The following CUX1 variants were observed in gnomAD, a reference collection of about 807,000 sequenced individuals.
CUX1 encodes cut like homeobox 1.
Under a neutral mutation model 158.8 loss-of-function variants are expected in CUX1, and 31 were observed. That is an observed-to-expected ratio of 0.20 (90% CI 0.15 to 0.26). The LOEUF is 0.26. CUX1 is among the 10% of genes least tolerant of loss of function. CUX1 has a pLI of 1.00. For synonymous variants in CUX1, 879 were observed against 862.1 expected, an observed-to-expected ratio of 1.02 and a Z score of -0.34; for missense variants, 1,589 against 2,014.6, an observed-to-expected ratio of 0.79 and a Z score of 4.04.
At chr7:101,866,806 T>TA (rs1171914358) in intron 1 of CUX1, among the ~76,000 whole-genome samples, 1 of 152,184 alleles carries the variant, frequency 6.6e-6, no homozygotes, top group Non-Finnish European at 1.5e-5. Flanking sequence ...GAGTTAAAGG[T>TA]GGTTCTACTT....
rs146483295 is a variant in CUX1 at position 102,165,228 on chromosome 7, G to C, written c.724-5218G>C. 1.4e-3 allele frequency among the ~76,000 whole-genome samples: 212 copies of C among 152,044 alleles called. 1 individual carries two copies. The highest frequency in any genetic ancestry group is 5.0e-3 in the African/African-American group (208 of 41,486). On this transcript the variant is annotated intron_variant, in intron 9 of 23. Coordinates refer to ENST00000292535, the MANE Select transcript of CUX1 (RefSeq NM_181552.4). ...ATCCTCTGCAAGCCCACCCCTCTCTGTGTCCTTCCCATGATGCCTTACCAC... is the reference window on the plus strand; with the variant it reads ...ATCCTCTGCAAGCCCACCCCTCTCTCTGTCCTTCCCATGATGCCTTACCAC...
At chr7:102,145,911 C>A (rs1834977982) in intron 8 of CUX1, among the ~76,000 whole-genome samples, 1 of 152,172 alleles carries the variant, frequency 6.6e-6, no homozygotes, top group Non-Finnish European at 1.5e-5. Flanking sequence ...CGTGCCATTG[C>A]ACTCCAGCCT....
chr7:102,137,446 G>A lies in CUX1; in HGVS notation c.675-21114G>A, dbSNP rs563975611. The stretch of plus-strand genomic sequence containing the variant: ...AGGTCACAAGTTCAAGACCACACTG[G>A]CCAACATGGCTAAACCCTGCCTCTA... On this transcript the variant is annotated intron_variant, in intron 8 of 23. Coordinates refer to ENST00000292535, the MANE Select transcript of CUX1 (RefSeq NM_181552.4). Among the ~76,000 whole-genome samples, 5 of 152,248 alleles carry A rather than the reference G, an allele frequency of 3.3e-5. No individual in the cohort carries two copies. The South Asian group carries it at 6.2e-4, about 19-fold the overall frequency.
chr7:102,023,393 A>G (rs762519332), intron 2 of CUX1, among the ~76,000 whole-genome samples: 30 of 152,220 alleles, frequency 2.0e-4, no homozygotes, highest in Non-Finnish European at 2.1e-4. Context: ...TCCAGACAGC[A>G]AAGAGTGCTG....
chr7:102,212,752 C>T (rs1358362122), intron 20 of CUX1, among the ~76,000 whole-genome samples: 3 of 137,490 alleles, frequency 2.2e-5, no homozygotes, highest in African/African-American at 5.4e-5. Context: ...AGATGGGGGG[C>T]GTGCAGGCCT....
chr7:102,028,186 G>T, intron 3 of CUX1, 41 bp downstream of exon 3: 2 of 1,600,220 alleles, frequency 1.2e-6, no homozygotes, highest in Non-Finnish European at 1.7e-6. Context: ...GCCACCCTTC[G>T]TGGCTAATTG....
At chr7:101,887,301 C>CT (rs201129301) in intron 1 of CUX1, among the ~76,000 whole-genome samples, 3 of 151,372 alleles carry the variant, frequency 2.0e-5, no homozygotes, top group South Asian at 2.1e-4. Flanking sequence ...TCTTTTGAAA[C>CT]TTTTTTTTTC....
chr7:102,235,701 CAAA>C (rs781946936), intron 22 of CUX1, among the ~76,000 whole-genome samples: 4 of 88,652 alleles, frequency 4.5e-5, no homozygotes, highest in Non-Finnish European at 4.6e-5. Flanking sequence ...GACCCCATCT[CAAA>C]AAAAAAAAAA....
intron 3 of CUX1, among the ~76,000 whole-genome samples, chr7:102,055,210 A>ATTT (rs142598480): frequency 2.4e-4 from 36 of 147,400 alleles, no homozygotes; most frequent in African/African-American, 7.4e-4. Context: ...TTATAAATGG[A>ATTT]TTTTTTTTTT....
At chr7:102,063,934 AG>A (rs746657166) in intron 3 of CUX1, among the ~76,000 whole-genome samples, 147 of 152,274 alleles carry the variant, frequency 9.7e-4, no homozygotes, top group Non-Finnish European at 1.2e-3. Context: ...GGACAGCCCC[AG>A]GTGGTGGTGG....
At chr7:101,911,948 T>G (rs1584956165) in intron 1 of CUX1, among the ~76,000 whole-genome samples, 1 of 152,288 alleles carries the variant, frequency 6.6e-6, no homozygotes, top group East Asian at 1.9e-4. Flanking sequence ...TTCTGGTGCC[T>G]CTCCTTGCCA....
At chr7:101,931,052 C>G (rs1037366431) in intron 2 of CUX1, among the ~76,000 whole-genome samples, 1 of 152,132 alleles carries the variant, frequency 6.6e-6, no homozygotes, top group Non-Finnish European at 1.5e-5. Context: ...GCCGAGATCA[C>G]GCCACTGCAC....
At chr7:102,170,397 T>G (rs1791576255) in intron 9 of CUX1, 49 bp from the exon 10 acceptor site, 1 of 1,299,228 alleles carries the variant, frequency 7.7e-7, no homozygotes, top group Non-Finnish European at 1.1e-6. Flanking sequence ...TAATTGTCAG[T>G]TGTTAAACTG....
chr7:101,857,715 T>C (rs545170659), intron 1 of CUX1, among the ~76,000 whole-genome samples: 1 of 152,376 alleles, frequency 6.6e-6, no homozygotes, highest in East Asian at 1.9e-4. Flanking sequence ...TTAGCTGTGC[T>C]ATAGCTTTGC....
chr7:102,151,815 A>G (rs898384123), intron 8 of CUX1, among the ~76,000 whole-genome samples: 3 of 149,900 alleles, frequency 2.0e-5, no homozygotes, highest in African/African-American at 7.4e-5. Flanking sequence ...GTCTGCAAAC[A>G]CTGATGGCCA....
chr7:101,819,403 C>G (rs1201297432), intron 1 of CUX1, among the ~76,000 whole-genome samples: 1 of 152,186 alleles, frequency 6.6e-6, no homozygotes, highest in Non-Finnish European at 1.5e-5. Context: ...GACATTATTC[C>G]CACATGGTGA....
chr7:102,196,413 C>T (rs1794803173), intron 14 of CUX1, among the ~76,000 whole-genome samples: 2 of 152,180 alleles, frequency 1.3e-5, no homozygotes, highest in South Asian at 4.1e-4. Context: ...ACAAGAAAGG[C>T]GCAAACATGA....
chr7:101,949,111 T>C (rs971048814), intron 2 of CUX1, among the ~76,000 whole-genome samples: 2 of 152,180 alleles, frequency 1.3e-5, no homozygotes, highest in African/African-American at 2.4e-5. Flanking sequence ...CACAGATTGT[T>C]TGACAAACAT....
At chr7:101,895,177 C>T (rs574812943) in intron 1 of CUX1, among the ~76,000 whole-genome samples, 5 of 152,056 alleles carry the variant, frequency 3.3e-5, no homozygotes, top group Non-Finnish European at 7.4e-5. Context: ...TGCACCACCA[C>T]GCCTGGCTAA....
Sources: gnomAD v4.1 joint callset for allele counts (sites outside exome capture counted in the v4.1 genomes callset) on GRCh38, gnomAD v4.1.1 for gene constraint, MANE v1.5 for transcripts, NCBI Gene and HGNC (gene_info 2026-07-23, HGNC 2026-07-21) for gene names.